KCNV1: variants seen among roughly 807,000 people sequenced by gnomAD.
The protein encoded by KCNV1 is potassium voltage-gated channel modifier subfamily V member 1.
A neutral mutation model predicts 36.4 loss-of-function variants in KCNV1; 2 were observed. That is an observed-to-expected ratio of 0.05 (90% CI 0.02 to 0.17). KCNV1 has a LOEUF of 0.17. Ranked by LOEUF, KCNV1 falls within the 10% of genes least tolerant of loss-of-function variation. The pLI, the probability that KCNV1 is intolerant of heterozygous loss-of-function variation, is 1.00. For synonymous variants in KCNV1, 280 were observed against 261.1 expected (o/e 1.07, Z -0.70); for missense variants, 321 against 643.6 (o/e 0.50, Z 5.42).
rs377263756 is a variant in KCNV1, at chr8:109,974,278, G to A, written c.111C>T (p.Leu37=). ...CSEGEGEPLA[L]GDCFTVNVGG... is the part of the protein sequence containing the mutation. ...CCACGTTGACCGTGAAGCAGTCCCCGAGCGCCAAGGGCTCCCCTTCACCCT... is the reference window on the plus strand; with the variant it reads ...CCACGTTGACCGTGAAGCAGTCCCCAAGCGCCAAGGGCTCCCCTTCACCCT... The change falls in exon 2 of 4, where the codon CTC becomes CTT. Residue 37 remains leucine, a synonymous_variant. Transcript: ENST00000524391. This position sits in a 1 kb window ranked among gnomAD's most constrained non-coding sequence, Gnocchi z 6.2. 755 of 1,549,272 alleles carry A rather than the reference G, an allele frequency of 4.9e-4. 1 individual carries two copies. The highest frequency in any genetic ancestry group is 6.1e-4 in the Non-Finnish European group (703 of 1,149,660).
rs768697423 is a variant in KCNV1, at chr8:109,968,645, C to T, written c.992-46G>A. On this transcript the variant is annotated intron_variant, in intron 3 of 3. Transcript: ENST00000524391. This position sits in a 1 kb window ranked among gnomAD's most constrained non-coding sequence, Gnocchi z 5.3. ...TCAGTCATTGGCATCCCTCTTCTCTCTCTTCCTTCCCTCCCCTCCCCTCTC... is the reference window on the plus strand; with the variant it reads ...TCAGTCATTGGCATCCCTCTTCTCTTTCTTCCTTCCCTCCCCTCCCCTCTC... 3 of 1,541,022 alleles carry T rather than the reference C, an allele frequency of 1.9e-6. No individual in the cohort carries two copies. The highest frequency in any genetic ancestry group is 2.6e-6 in the Non-Finnish European group (3 of 1,140,152).
Position 109,972,510 on chromosome 8 carries a change from A to G in KCNV1, c.739T>C (p.Tyr247His). The G allele has an allele frequency of 6.2e-7, 1 of 1,614,070 alleles. No individual in the cohort carries two copies. Among genetic ancestry groups the G allele is most frequent in the South Asian group, 1.1e-5 (1 of 91,072 alleles). Residue 247 changes from tyrosine (Y) to histidine (H), a missense_variant, in exon 3 of 4, where the codon TAT (tyrosine) becomes CAT (histidine). Around this residue, in one of 5 missense-constraint regions of KCNV1, gnomAD observed 141 missense variants for 225.0 expected, o/e 0.63. Coordinates refer to ENST00000524391, the MANE Select transcript of KCNV1 (RefSeq NM_014379.4). This position sits in a 1 kb window ranked among gnomAD's most constrained non-coding sequence, Gnocchi z 5.2. ...CCGGTGAACCAGCTAATGCACACAT[A>G]CTCCAGGATTTCCAGCAGCTGCAGG... ...LDLQLLEILE[Y>H]VCISWFTGEF...
intron 2 of KCNV1, 43 bp downstream of exon 2, chr8:109,973,885 C>T: frequency 3.4e-6 from 5 of 1,471,870 alleles, no homozygotes; most frequent in South Asian, 2.6e-5. Flanking sequence ...CTTTCTCTGC[C>T]GCGCCCGCCT....
Position 109,965,289 on chromosome 8 carries a change from A to G in KCNV1, c.*2799T>C, listed in dbSNP as rs558811346. 6.6e-6 allele frequency: 1 copy of G among 152,236 alleles called. No individual in the cohort carries two copies. The highest frequency in any genetic ancestry group is 2.1e-4 in the South Asian group (1 of 4,834). The allele number at this position is 152,236 out of a possible 1,614,324, so 9.4% of individuals were successfully genotyped here. On this transcript the variant is annotated 3_prime_UTR_variant, in exon 4 of 4. Transcript: ENST00000524391. ...AAAGACAATAATTCAATTATTTTATATTTTAAAAAATTAAATATTGTTTTA... is the reference window on the plus strand; with the variant it reads ...AAAGACAATAATTCAATTATTTTATGTTTTAAAAAATTAAATATTGTTTTA...
At chr8:109,973,800 G>C in intron 2 of KCNV1, 128 bp downstream of exon 2, 4 of 256,818 alleles carry the variant, frequency 1.6e-5, no homozygotes, top group East Asian at 1.2e-4. Context: ...CAGCCCAGAA[G>C]TGGCCACACC....
Position 109,974,323 on chromosome 8 carries a change from G to A in KCNV1, c.66C>T (p.Asp22=), listed in dbSNP as rs1272460063. Residue 22 remains aspartate, a synonymous_variant, in exon 2 of 4, where the codon GAC becomes GAT. Transcript: ENST00000524391. This position sits in a 1 kb window ranked among gnomAD's most constrained non-coding sequence, Gnocchi z 6.2. ...CACCCTCGCTGCAGAAGACACTAGA[G>A]TCCAGGGAGGTCAGGGAGCCGCTGT... The part of the protein sequence containing the change: ...PLDSGSLTSL[D]SSVFCSEGEG... The A allele has an allele frequency of 1.3e-6, 2 of 1,541,352 alleles. No individual in the cohort carries two copies. The highest frequency in any genetic ancestry group is 1.7e-6 in the Non-Finnish European group (2 of 1,148,504).
At chr8:109,973,736 C>G (rs1324151306) in intron 2 of KCNV1, among the ~76,000 whole-genome samples, 192 bp downstream of exon 2, 1 of 152,174 alleles carries the variant, frequency 6.6e-6, no homozygotes, top group African/African-American at 2.4e-5. Context: ...TCAAAAAGTT[C>G]TATTCAAAAG....
chr8:109,965,877 G>A lies in KCNV1; in HGVS notation c.*2211C>T, dbSNP rs750324809. The A allele has an allele frequency of 6.6e-6, 1 of 152,154 alleles. No homozygotes were observed. The highest frequency in any genetic ancestry group is 1.5e-5 in the Non-Finnish European group (1 of 68,034). 9.4% of individuals were successfully genotyped at this position (152,154 alleles called of 1,614,324 possible). A position where few individuals can be genotyped will look rare whatever the true frequency, so the allele number is the denominator to read the frequency against. Reference sequence around the variant, plus strand: ...TTGACTTTTAGGAGTGTCGTTTTCCGGGTCAGGCAGATTGGTATTCAGCGC... The same window carrying A: ...TTGACTTTTAGGAGTGTCGTTTTCCAGGTCAGGCAGATTGGTATTCAGCGC... On this transcript the variant is annotated 3_prime_UTR_variant, in exon 4 of 4. Transcript: ENST00000524391.
At chr8:109,970,811 T>C (rs1209812337) in intron 3 of KCNV1, among the ~76,000 whole-genome samples, 1 of 152,212 alleles carries the variant, frequency 6.6e-6, no homozygotes, top group South Asian at 2.1e-4. Context: ...AAAAATGTAG[T>C]TTTTACTGGG....
chr8:109,973,101 C>T (rs528039649), intron 2 of KCNV1, among the ~76,000 whole-genome samples: 112 of 151,936 alleles, frequency 7.4e-4, no homozygotes, highest in African/African-American at 2.6e-3. Context: ...CCCCAGCCTC[C>T]TGAGTAGCTG....
chr8:109,973,429 A>G (rs919101484), intron 2 of KCNV1, among the ~76,000 whole-genome samples: 1 of 152,220 alleles, frequency 6.6e-6, no homozygotes, highest in East Asian at 1.9e-4. Flanking sequence ...AAGGAAATGT[A>G]TTCATGAAGA....
In KCNV1 at chr8:109,972,747, T is replaced by C. The variant is rs1171807763; in HGVS notation, c.502A>G (p.Lys168Glu). The C allele has an allele frequency of 6.2e-7, 1 of 1,612,986 alleles. No individual in the cohort carries two copies. The highest frequency in any genetic ancestry group is 1.7e-5 in the Admixed American group (1 of 59,842). ...RKELSETLDF[K>E]KDTEDQESQH... is the part of the protein sequence containing the mutation. ...CTTTCCTGGTCTTCTGTGTCCTTCT[T>C]GAAGTCTAAAGTTTCACTCAGCTCT... The change falls in exon 3 of 4, where the codon AAG becomes GAG. Residue 168 changes from lysine (K) to glutamate (E), a missense_variant. Lys to Glu is a moderately conservative substitution (Grantham distance 56). This residue lies in a region of KCNV1 where 141 missense variants were observed against 225.0 expected (regional missense o/e 0.63). Transcript: ENST00000524391. This position sits in a 1 kb window ranked among gnomAD's most constrained non-coding sequence, Gnocchi z 5.2.
At chr8:109,973,069 C>G (rs1381773814) in intron 2 of KCNV1, among the ~76,000 whole-genome samples, 1 of 151,580 alleles carries the variant, frequency 6.6e-6, no homozygotes, top group Non-Finnish European at 1.5e-5. Flanking sequence ...CCTCCGCTTC[C>G]CAGGTTCAAG....
In KCNV1 at chr8:109,972,640, A is replaced by G. The variant is rs915752743; in HGVS notation, c.609T>C (p.Pro203=). ...RQKLWNILEK[P]GSSTAARIFG... Reference sequence around the variant, plus strand: ...AGATACGGGCAGCTGTGGAAGATCCAGGTTTCTCCAGGATATTCCAGAGCT... The same window carrying G: ...AGATACGGGCAGCTGTGGAAGATCCGGGTTTCTCCAGGATATTCCAGAGCT... Residue 203 remains proline (P), a synonymous_variant, in exon 3 of 4, where the codon CCT becomes CCC. Transcript: ENST00000524391. This position sits in a 1 kb window ranked among gnomAD's most constrained non-coding sequence, Gnocchi z 5.2. 1.7e-5 allele frequency: 27 copies of G among 1,614,070 alleles called. No homozygotes were observed. The highest frequency in any genetic ancestry group is 2.2e-5 in the Non-Finnish European group (26 of 1,180,044).
In KCNV1 at chr8:109,973,922, G is replaced by C. The variant is rs752467628; in HGVS notation, c.461+6C>G. The C allele has an allele frequency of 3.2e-6, 5 of 1,584,474 alleles. No individual in the cohort carries two copies. The highest frequency in any genetic ancestry group is 4.3e-6 in the Non-Finnish European group (5 of 1,163,680). On this transcript the variant is annotated splice_donor_region_variant and intron_variant, in intron 2 of 3. Transcript: ENST00000524391. ...CCCGCCCAGCCGCCGCGTGCCTCCG[G>C]GGTACCTGTCCCTGCAGCAGGAATC...
rs1018249354 is a variant in KCNV1 at position 109,967,358 on chromosome 8, A to G, written c.*730T>C. On this transcript the variant is annotated 3_prime_UTR_variant, in exon 4 of 4. Transcript: ENST00000524391. ...TCTGATATTCATGAAATACTAAGAA[A>G]TATGCTGTTTTATGCTCCACATACT... The G allele has an allele frequency of 6.6e-6, 1 of 152,200 alleles. No individual in the cohort carries two copies. Among genetic ancestry groups the G allele is most frequent in the African/African-American group, 2.4e-5 (1 of 41,452 alleles). 9.4% of individuals were successfully genotyped at this position (152,200 alleles called of 1,614,324 possible).
rs1820060399 is a variant in KCNV1, at chr8:109,974,745, C to T, written c.-357G>A. On this transcript the variant is annotated 5_prime_UTR_variant, in exon 2 of 4. Coordinates refer to ENST00000524391, the MANE Select transcript of KCNV1 (RefSeq NM_014379.4). The surrounding 1 kb of genome is among the most constrained non-coding windows in gnomAD (Gnocchi z 6.2). The stretch of plus-strand genomic sequence containing the variant: ...ACGTTGTCACCCCGCCTCCCAACTT[C>T]GCAATTGCGATTCCCAGCCCAGGAG... 1 of 310,338 alleles carries T rather than the reference C, an allele frequency of 3.2e-6. No individual in the cohort carries two copies. The highest frequency in any genetic ancestry group is 4.7e-5 in the Admixed American group (1 of 21,326). The allele number at this position is 310,338 out of a possible 1,614,324, so 19.2% of individuals were successfully genotyped here.
In KCNV1 at chr8:109,967,811, CATT is replaced by C. The variant is rs1819961734; in HGVS notation, c.*274_*276del. On this transcript the variant is annotated 3_prime_UTR_variant, in exon 4 of 4. Coordinates refer to ENST00000524391, the MANE Select transcript of KCNV1 (RefSeq NM_014379.4). ...AACTTTTTTGTATGTATTGCAATAA[CATT>C]ATTTTATATTTGACAATTCAAACAT... 4.1e-5 allele frequency: 12 copies of C among 293,626 alleles called. No homozygotes were observed. Among genetic ancestry groups the C allele is most frequent in the Admixed American group, 2.3e-4 (5 of 21,752 alleles). 18.2% of individuals were successfully genotyped at this position (293,626 alleles called of 1,614,324 possible). A position where few individuals can be genotyped will look rare whatever the true frequency, so the allele number is the denominator to read the frequency against.
At position 109,974,776 on chromosome 8, in the gene KCNV1, C is replaced by T; in HGVS notation, c.-388G>A. 4.2e-6 allele frequency: 1 copy of T among 239,996 alleles called. No individual in the cohort carries two copies. Among genetic ancestry groups the T allele is most frequent in the Non-Finnish European group, 8.1e-6 (1 of 123,716 alleles). 14.9% of individuals were successfully genotyped at this position (239,996 alleles called of 1,614,324 possible). On this transcript the variant is annotated 5_prime_UTR_variant, in exon 2 of 4. Coordinates refer to ENST00000524391, the MANE Select transcript of KCNV1 (RefSeq NM_014379.4). The surrounding 1 kb of genome is among the most constrained non-coding windows in gnomAD (Gnocchi z 6.2). Reference sequence around the variant, plus strand: ...TGCGATTCCCAGCCCAGGAGGTGTACAGATTGAATGACTCGCTACTTGGTG... The same window carrying T: ...TGCGATTCCCAGCCCAGGAGGTGTATAGATTGAATGACTCGCTACTTGGTG...
Sources: allele counts gnomAD v4.1 joint callset (sites outside exome capture counted in the v4.1 genomes callset), GRCh38; gene constraint gnomAD v4.1.1; regional missense constraint gnomAD v4.1.1; non-coding constraint Gnocchi (gnomAD v3.1); transcripts MANE v1.5; gene names NCBI Gene and HGNC (gene_info 2026-07-23, HGNC 2026-07-21).